CR1: variants seen among roughly 807,000 people sequenced by gnomAD.
CR1 encodes the protein complement C3b/C4b receptor 1 (Knops blood group).
In CR1, 116 loss-of-function variants were observed where a neutral mutation model predicts 187.3. That is an observed-to-expected ratio of 0.62 (90% CI 0.53 to 0.72). The LOEUF (loss-of-function observed/expected upper bound fraction) is 0.72. Among genes scored for constraint, CR1 ranks in the 30% least tolerant of loss-of-function variants. The probability of loss-of-function intolerance (pLI) is 0.00; values close to 1 mark genes in which losing one functional copy is unlikely to be tolerated. For synonymous variants in CR1, 576 were observed against 747.1 expected, an observed-to-expected ratio of 0.77 and a Z score of 3.73; for missense variants, 1,731 against 2,110.7, an observed-to-expected ratio of 0.82 and a Z score of 3.52.
chr1:207,634,282 G>A (rs1188663134), intron 46 of CR1, among the ~76,000 whole-genome samples: 1 of 152,138 alleles, frequency 6.6e-6, no homozygotes, highest in South Asian at 2.1e-4. Context: ...TGTGTACACT[G>A]ACTACTGATC....
chr1:207,595,900 TA>T (rs942584032), intron 35 of CR1, among the ~76,000 whole-genome samples: 1 of 151,296 alleles, frequency 6.6e-6, no homozygotes, highest in African/African-American at 2.4e-5. Flanking sequence ...AAACTTGATA[TA>T]AAAAATAGAT....
chr1:207,627,646 C>T (rs1013786797), intron 45 of CR1, among the ~76,000 whole-genome samples: 13 of 152,184 alleles, frequency 8.5e-5, no homozygotes, highest in African/African-American at 3.1e-4. Context: ...TGCAGTGGTA[C>T]CTGCCTATAG....
chr1:207,621,861 T>G, intron 43 of CR1, 112 bp from the exon 44 acceptor site: 1 of 765,194 alleles, frequency 1.3e-6, no homozygotes. Context: ...TTAGAAAAAA[T>G]ATTAGACTGA....
Position 207,611,990 on chromosome 1 carries a change from T to C in CR1, c.6524T>C (p.Leu2175Pro), listed in dbSNP as rs1353646442. The stretch of plus-strand genomic sequence containing the variant: ...CAACTCCCTCATGGCCGTGTGCTAC[T>C]TCCACTTAATCTCCAGCTTGGGGCA... ...LGQLPHGRVL[L>P]PLNLQLGAKV... The change falls in exon 39 of 47, where the codon CTT (leucine) becomes CCT (proline). Residue 2175 changes from leucine to proline, a missense_variant. Coordinates refer to ENST00000367049, the MANE Select transcript of CR1 (RefSeq NM_000651.6). The C allele has an allele frequency of 7.4e-6, 12 of 1,613,928 alleles. No homozygotes were observed. The highest frequency in any genetic ancestry group is 1.0e-5 in the Non-Finnish European group (12 of 1,179,910).
chr1:207,585,442 G>C lies in CR1; in HGVS notation c.5530+566G>C, dbSNP rs75924889. Among the ~76,000 whole-genome samples, 1,197 of 152,304 alleles carry C rather than the reference G, an allele frequency of 7.9e-3. 7 individuals carry two copies. The highest frequency in any genetic ancestry group is 0.02 in the Middle Eastern group (6 of 294). ...CTTTGTACTTGAACTGTTCCACTCA[G>C]GGGGTAAGAAGCAAGGAAAGAGTAG... On this transcript the variant is annotated intron_variant, in intron 33 of 46. Transcript: ENST00000367049.
At chr1:207,505,564 G>A (rs1195082593) in intron 1 of CR1, among the ~76,000 whole-genome samples, 2 of 152,066 alleles carry the variant, frequency 1.3e-5, no homozygotes, top group Admixed American at 6.6e-5. Context: ...ACAGGGTCAC[G>A]GTGGCTCACT....
intron 32 of CR1, among the ~76,000 whole-genome samples, chr1:207,582,630 G>A (rs1660992832): frequency 6.6e-6 from 1 of 152,208 alleles, no homozygotes; most frequent in Non-Finnish European, 1.5e-5. Context: ...TCTGGGTGTA[G>A]CTGAGGGTTC....
intron 35 of CR1, among the ~76,000 whole-genome samples, chr1:207,594,572 G>A (rs1386985311): frequency 6.6e-6 from 1 of 152,068 alleles, no homozygotes; most frequent in African/African-American, 2.4e-5. Flanking sequence ...TGCACGTCCT[G>A]CACATGTATC....
At chr1:207,638,222 A>T (rs951525257) in intron 46 of CR1, among the ~76,000 whole-genome samples, 1 of 152,162 alleles carries the variant, frequency 6.6e-6, no homozygotes, top group African/African-American at 2.4e-5. Context: ...CTTTCCACTG[A>T]TGTAAGAATT....
chr1:207,512,373 T>A (rs1659650534), intron 4 of CR1, among the ~76,000 whole-genome samples: 1 of 152,156 alleles, frequency 6.6e-6, no homozygotes, highest in African/African-American at 2.4e-5. Flanking sequence ...CCATAAAAAA[T>A]GACAGCATAA....
intron 28 of CR1, 71 bp from the exon 29 acceptor site, chr1:207,577,734 A>T (rs984943818): frequency 6.3e-7 from 1 of 1,590,036 alleles, no homozygotes; most frequent in African/African-American, 1.3e-5. Flanking sequence ...GTGCCACTGC[A>T]CTCCAGCCTG....
chr1:207,511,546 C>T (rs551673024), intron 3 of CR1, 23 bp from the exon 4 acceptor site: 33 of 1,606,308 alleles, frequency 2.1e-5, no homozygotes, highest in Admixed American at 1.8e-4. Context: ...TAGAATGTAA[C>T]ATTCCTTATT....
intron 1 of CR1, among the ~76,000 whole-genome samples, chr1:207,502,469 ATGCC>A (rs1216298774): frequency 6.6e-6 from 1 of 152,214 alleles, no homozygotes; most frequent in East Asian, 1.9e-4. Flanking sequence ...ATTTTAGCAG[ATGCC>A]TGAAGGAAGA....
intron 37 of CR1, among the ~76,000 whole-genome samples, chr1:207,611,209 A>G (rs1310600080): frequency 1.3e-5 from 2 of 152,196 alleles, no homozygotes; most frequent in East Asian, 3.8e-4. Flanking sequence ...CTAACAGTTC[A>G]GCCCTGTGCT....
intron 34 of CR1, 24 bp from the exon 35 acceptor site, chr1:207,588,651 C>T (rs1319408644): frequency 6.5e-7 from 1 of 1,532,424 alleles, no homozygotes; most frequent in Non-Finnish European, 9.0e-7. Context: ...TATATTTAAT[C>T]CCAAATTCTG....
In CR1 at chr1:207,588,908, A is replaced by T. The variant is rs556183430; in HGVS notation, c.5810+134A>T. The T allele has an allele frequency of 8.0e-6, 5 of 624,212 alleles. No homozygotes were observed. The African/African-American group carries it at 9.2e-5, about 12-fold the overall frequency. The allele number at this position is 624,212 out of a possible 1,614,324, so 38.7% of individuals were successfully genotyped here. A position where few individuals can be genotyped will look rare whatever the true frequency, so the allele number is the denominator to read the frequency against. On this transcript the variant is annotated intron_variant, in intron 35 of 46. Coordinates refer to ENST00000367049, the MANE Select transcript of CR1 (RefSeq NM_000651.6). ...CAAGCAATAGGACTTATAGATGGAG[A>T]TGATACGTTGGACATAGCCATATGA...
intron 24 of CR1, among the ~76,000 whole-genome samples, chr1:207,566,289 C>A (rs945227588): frequency 6.7e-6 from 1 of 149,400 alleles, no homozygotes; most frequent in Non-Finnish European, 1.5e-5. Flanking sequence ...CTCTCCTTCT[C>A]CCCTTTCTTC....
chr1:207,517,797 T>A (rs1227252738), intron 4 of CR1, among the ~76,000 whole-genome samples: 1 of 152,174 alleles, frequency 6.6e-6, no homozygotes, highest in Non-Finnish European at 1.5e-5. Flanking sequence ...TTTATTATAG[T>A]CTCATATTAG....
intron 46 of CR1, among the ~76,000 whole-genome samples, chr1:207,631,516 T>C (rs1441148847): frequency 6.6e-6 from 1 of 152,178 alleles, no homozygotes; most frequent in Non-Finnish European, 1.5e-5. Flanking sequence ...TATCATACTA[T>C]GAGAAATTTC....
Sources: gnomAD v4.1 joint callset for allele counts (sites outside exome capture counted in the v4.1 genomes callset) on GRCh38, gnomAD v4.1.1 for gene constraint, MANE v1.5 for transcripts, NCBI Gene and HGNC (gene_info 2026-07-23, HGNC 2026-07-21) for gene names.